The following GIP variants were observed in gnomAD, a reference collection of about 807,000 sequenced individuals.
The protein encoded by GIP is gastric inhibitory polypeptide.
In GIP, 16 loss-of-function variants were observed where a neutral mutation model predicts 18.1. The ratio of observed to expected loss-of-function variants is 0.88; its 90% CI spans 0.60 to 1.34. The LOEUF (loss-of-function observed/expected upper bound fraction) is 1.34, where lower values mean the gene tolerates loss of function less well. GIP is among the 40% of genes most tolerant of loss of function. The probability of loss-of-function intolerance (pLI) is 0.00; values close to 1 mark genes in which losing one functional copy is unlikely to be tolerated. For missense variants in GIP, 192 were observed against 183.4 expected (o/e 1.05, Z -0.27); for synonymous variants, 76 against 74.0 (o/e 1.03, Z -0.14).
In GIP at chr17:48,966,506, G is replaced by A. The variant is rs979661793; in HGVS notation, c.86+641C>T. ...CAGGAGGCAGAGGTTGTAGTGAGCC[G>A]AGATTGTGCCACCACACTCCAGCCT... On this transcript the variant is annotated intron_variant, in intron 2 of 5. Coordinates refer to ENST00000357424, the MANE Select transcript of GIP (RefSeq NM_004123.3). Among the ~76,000 whole-genome samples the A allele has an allele frequency of 1.4e-4, 21 of 151,272 alleles. 1 individual carries two copies. Among genetic ancestry groups the A allele is most frequent in the South Asian group, 2.1e-4 (1 of 4,782 alleles).
At chr17:48,965,011 C>T (rs552636406) in intron 2 of GIP, among the ~76,000 whole-genome samples, 67 of 151,538 alleles carry the variant, frequency 4.4e-4, no homozygotes, top group South Asian at 2.5e-3. Flanking sequence ...TGGTGGTGGG[C>T]GCCTGTAGCC....
intron 2 of GIP, 93 bp downstream of exon 2, chr17:48,967,054 C>A: frequency 2.1e-6 from 2 of 939,134 alleles, no homozygotes; most frequent in Admixed American, 3.7e-5. Flanking sequence ...GCCTGGATTC[C>A]TTCCCTTTCT....
intron 5 of GIP, 55 bp from the exon 6 acceptor site, chr17:48,958,771 G>A: frequency 6.8e-7 from 1 of 1,475,256 alleles, no homozygotes. Flanking sequence ...AGTCGGCCAA[G>A]CACATTTATC....
At chr17:48,963,105 G>A (rs1173672815) in intron 3 of GIP, among the ~76,000 whole-genome samples, 3 of 94,090 alleles carry the variant, frequency 3.2e-5, no homozygotes, top group East Asian at 3.2e-4. Context: ...AAAAAAATCC[G>A]TCTCAAAAAA....
intron 3 of GIP, among the ~76,000 whole-genome samples, chr17:48,963,240 C>A (rs912467850): frequency 6.6e-6 from 1 of 151,508 alleles, no homozygotes; most frequent in African/African-American, 2.4e-5. Flanking sequence ...AAGGTGCCAC[C>A]CAGGCTGGGT....
At chr17:48,965,713 G>A (rs980294843) in intron 2 of GIP, among the ~76,000 whole-genome samples, 8 of 151,406 alleles carry the variant, frequency 5.3e-5, no homozygotes, top group Non-Finnish European at 1.2e-4. Context: ...TCAATTCCTT[G>A]GTTCACATTC....
At chr17:48,960,558 G>A (rs576737149) in intron 5 of GIP, among the ~76,000 whole-genome samples, 26 of 152,220 alleles carry the variant, frequency 1.7e-4, no homozygotes, top group East Asian at 7.7e-4. Flanking sequence ...GCATCACCTC[G>A]CCTGGAAGAG....
Position 48,961,767 on chromosome 17 carries a change from G to C in GIP, c.310C>G (p.Gln104Glu). The change falls in exon 4 of 6, where the codon CAA becomes GAA. Residue 104 changes from glutamine to glutamate, a missense_variant. Coordinates refer to ENST00000357424, the MANE Select transcript of GIP (RefSeq NM_004123.3). ...REARALELAS[Q>E]ANRKEEEAVE... is the part of the protein sequence containing the mutation. ...GCCTCCTCCTCCTTCCTATTAGCTT[G>C]ACTGGCCAGCTCCAGCGCCCGAGCC... is the stretch of plus-strand genomic sequence containing the variant. The C allele has an allele frequency of 1.2e-6, 2 of 1,612,768 alleles. No homozygotes were observed. The highest frequency in any genetic ancestry group is 1.7e-6 in the Non-Finnish European group (2 of 1,179,712).
intron 3 of GIP, among the ~76,000 whole-genome samples, chr17:48,962,120 A>G (rs1455187264): frequency 9.9e-5 from 15 of 152,112 alleles, no homozygotes. Flanking sequence ...CCCAGGCTGG[A>G]GTGCAGGGGC....
rs1355186452 is a variant in GIP, at chr17:48,958,628, T to A, written c.*79A>T. 30 of 1,176,930 alleles carry A rather than the reference T, an allele frequency of 2.5e-5. No homozygotes were observed. The East Asian group carries it at 7.6e-4, about 30-fold the overall frequency. The allele number at this position is 1,176,930 out of a possible 1,614,324, so 72.9% of individuals were successfully genotyped here. ...GCATAAACTTTATTGGTTTGGGTTCTCTTGGCTATTCTGGAGTGGGGCTGA... is the reference window on the plus strand; with the variant it reads ...GCATAAACTTTATTGGTTTGGGTTCACTTGGCTATTCTGGAGTGGGGCTGA... On this transcript the variant is annotated 3_prime_UTR_variant, in exon 6 of 6. Transcript: ENST00000357424.
chr17:48,960,873 C>G lies in GIP; in HGVS notation c.452+13G>C. 1 of 1,529,422 alleles carries G rather than the reference C, an allele frequency of 6.5e-7. No individual in the cohort carries two copies. The highest frequency in any genetic ancestry group is 9.0e-7 in the Non-Finnish European group (1 of 1,116,564). 94.7% of individuals were successfully genotyped at this position (1,529,422 alleles called of 1,614,324 possible). A position where few individuals can be genotyped will look rare whatever the true frequency, so the allele number is the denominator to read the frequency against. ...TCAAGTTAGAACCGCTGTGCAACAC[C>G]ACACTCCCCTACCTGAGCCTGCAGA... On this transcript the variant is annotated intron_variant, in intron 5 of 5. Coordinates refer to ENST00000357424, the MANE Select transcript of GIP (RefSeq NM_004123.3).
intron 5 of GIP, among the ~76,000 whole-genome samples, chr17:48,960,678 T>C (rs1018221515): frequency 1.3e-5 from 2 of 152,064 alleles, no homozygotes; most frequent in Admixed American, 1.3e-4. Context: ...TTTCTTTTGT[T>C]TTTTTTCTTT....
At position 48,967,359 on chromosome 17, in the gene GIP, C is replaced by CTTT. The variant is rs369779985; in HGVS notation, c.-21-109_-21-107dup. On this transcript the variant is annotated intron_variant, in intron 1 of 5. Coordinates refer to ENST00000357424, the MANE Select transcript of GIP (RefSeq NM_004123.3). ...GTTTGGACCCTTTCTTTTCCTTTTT[C>CTTT]TTTTTTTTTTTTTTTTTTGAGATGG... 6.9e-4 allele frequency: 348 copies of CTTT among 503,566 alleles called. 1 individual carries two copies. The highest frequency in any genetic ancestry group is 4.5e-3 in the African/African-American group (197 of 44,200). 31.2% of individuals were successfully genotyped at this position (503,566 alleles called of 1,614,324 possible).
chr17:48,967,557 A>G (rs551182608), intron 1 of GIP, among the ~76,000 whole-genome samples: 1 of 151,058 alleles, frequency 6.6e-6, no homozygotes, highest in East Asian at 2.0e-4. Context: ...ACAGGGTTTC[A>G]CCATATTGGC....
chr17:48,959,992 G>T (rs372751763), intron 5 of GIP, among the ~76,000 whole-genome samples: 30 of 2,680 alleles, frequency 0.011, no homozygotes, highest in Non-Finnish European at 0.026. Context: ...GGCTCAGCTC[G>T]GTGGGTAGGG....
At chr17:48,966,270 A>AT (rs956091387) in intron 2 of GIP, among the ~76,000 whole-genome samples, 17 of 149,546 alleles carry the variant, frequency 1.1e-4, no homozygotes, top group Admixed American at 8.7e-4. Context: ...AAAAAAAAAA[A>AT]AGGGCCAGGC....
intron 3 of GIP, among the ~76,000 whole-genome samples, chr17:48,963,097 A>G (rs1347178666): frequency 8.4e-4 from 1 of 1,184 alleles, no homozygotes; most frequent in Non-Finnish European, 2.0e-3. Flanking sequence ...ACAGAGCAAA[A>G]AAAATCCGTC....
At chr17:48,963,839 C>G (rs2041214723) in intron 3 of GIP, among the ~76,000 whole-genome samples, 1 of 7,710 alleles carries the variant, frequency 1.3e-4, no homozygotes, top group African/African-American at 1.5e-3. Context: ...AAAACTCTGT[C>G]TCAAAAAAAA....
chr17:48,962,668 T>C (rs188680799), intron 3 of GIP, among the ~76,000 whole-genome samples: 1 of 152,138 alleles, frequency 6.6e-6, no homozygotes, highest in Admixed American at 6.5e-5. Flanking sequence ...GGCCTGGCCC[T>C]AGCCAATCCT....
Sources: allele counts gnomAD v4.1 joint callset (sites outside exome capture counted in the v4.1 genomes callset), GRCh38; gene constraint gnomAD v4.1.1; transcripts MANE v1.5; gene names NCBI Gene and HGNC (gene_info 2026-07-23, HGNC 2026-07-21).